STT3B: variants seen among roughly 807,000 people sequenced by gnomAD.
The protein encoded by STT3B is dolichyl-diphosphooligosaccharide--protein glycosyltransferase subunit STT3B.
A neutral mutation model predicts 96.8 loss-of-function variants in STT3B; 29 were observed. The ratio of observed to expected loss-of-function variants is 0.30; its 90% CI spans 0.22 to 0.41. The LOEUF is 0.41. Ranked by LOEUF, STT3B falls within the 10% of genes least tolerant of loss-of-function variation. The probability of loss-of-function intolerance (pLI) is 1.00; values close to 1 mark genes in which losing one functional copy is unlikely to be tolerated. For missense variants in STT3B, 640 were observed against 1,022.3 expected (o/e 0.63, Z 5.10); for synonymous variants, 367 against 360.0 (o/e 1.02, Z -0.22).
intron 1 of STT3B, among the ~76,000 whole-genome samples, chr3:31,550,929 T>C (rs2125439929): frequency 1.3e-5 from 2 of 152,288 alleles, no homozygotes; most frequent in Middle Eastern, 6.8e-3. Flanking sequence ...CCTTAGCTGC[T>C]TTGTACTTTA....
At chr3:31,611,008 C>G (rs1157646455) in intron 5 of STT3B, among the ~76,000 whole-genome samples, 2 of 152,092 alleles carry the variant, frequency 1.3e-5, no homozygotes, top group African/African-American at 4.8e-5. Flanking sequence ...ATTCTTCTAA[C>G]TTAAAGGGTA....
chr3:31,566,522 A>C (rs1238222751), intron 1 of STT3B, among the ~76,000 whole-genome samples: 2 of 151,420 alleles, frequency 1.3e-5, no homozygotes, highest in East Asian at 3.9e-4. Context: ...ATAAATTACC[A>C]CTCCCCTTCT....
chr3:31,551,674 G>C (rs894875249), intron 1 of STT3B, among the ~76,000 whole-genome samples: 1 of 152,204 alleles, frequency 6.6e-6, no homozygotes, highest in Non-Finnish European at 1.5e-5. Context: ...AGGTGGCTTT[G>C]TAAATCTTTA....
intron 1 of STT3B, among the ~76,000 whole-genome samples, chr3:31,574,330 G>A (rs1304737121): frequency 3.3e-5 from 5 of 151,948 alleles, no homozygotes; most frequent in African/African-American, 1.2e-4. Flanking sequence ...TTTGGATCTT[G>A]TTTTCAATGT....
chr3:31,635,903 T>G lies in STT3B; in HGVS notation c.2401-81T>G, dbSNP rs11129457. On this transcript the variant is annotated intron_variant, in intron 15 of 15. Coordinates refer to ENST00000295770, the MANE Select transcript of STT3B (RefSeq NM_178862.3). ...AGAGAGCTTACTAAGTCATCATAGT[T>G]CAGTAAACCATGTGTGTGTTTATAG... is the stretch of plus-strand genomic sequence containing the variant. 909,915 of 968,732 alleles carry G rather than the reference T, an allele frequency of 0.94. 427,813 individuals are homozygous for G. Among genetic ancestry groups the G allele is most frequent in the Admixed American group, 0.96 (42,569 of 44,234 alleles). 60.0% of individuals were successfully genotyped at this position (968,732 alleles called of 1,614,324 possible).
At position 31,611,599 on chromosome 3, in the gene STT3B, C is replaced by T. The variant is rs1033825215; in HGVS notation, c.878-3506C>T. Among the ~76,000 whole-genome samples the T allele has an allele frequency of 3.9e-4, 60 of 152,128 alleles. 1 individual carries two copies. Among genetic ancestry groups the T allele is most frequent in the African/African-American group, 1.4e-3 (56 of 41,420 alleles). ...GCAACCTCTGCCTCCCCAGTTCAAA[C>T]GATTCTCCTGCCTCAGCCTCCCAAG... On this transcript the variant is annotated intron_variant, in intron 5 of 15. Coordinates refer to ENST00000295770, the MANE Select transcript of STT3B (RefSeq NM_178862.3).
At chr3:31,540,976 A>G (rs1697251928) in intron 1 of STT3B, among the ~76,000 whole-genome samples, 1 of 152,178 alleles carries the variant, frequency 6.6e-6, no homozygotes, top group Non-Finnish European at 1.5e-5. Context: ...CCAGTTTAAG[A>G]AGGTTTATTA....
intron 1 of STT3B, among the ~76,000 whole-genome samples, chr3:31,569,154 A>G (rs1698079013): frequency 6.6e-6 from 1 of 152,032 alleles, no homozygotes; most frequent in Admixed American, 6.6e-5. Flanking sequence ...GACTACAGGC[A>G]TGTGCCACCA....
intron 1 of STT3B, among the ~76,000 whole-genome samples, chr3:31,576,062 A>C (rs1024302634): frequency 1.3e-5 from 2 of 152,030 alleles, no homozygotes; most frequent in Non-Finnish European, 2.9e-5. Context: ...TGGTGAGTGT[A>C]CCGTTTCTTC....
At chr3:31,553,371 C>T (rs1271630906) in intron 1 of STT3B, among the ~76,000 whole-genome samples, 1 of 152,114 alleles carries the variant, frequency 6.6e-6, no homozygotes. Context: ...CCGGAAACAA[C>T]CCAAATGCCC....
chr3:31,563,093 G>C (rs1697920036), intron 1 of STT3B, among the ~76,000 whole-genome samples: 1 of 152,130 alleles, frequency 6.6e-6, no homozygotes, highest in African/African-American at 2.4e-5. Flanking sequence ...AGCCGAACAG[G>C]CTTGTTTCCC....
intron 1 of STT3B, chr3:31,533,553 G>T (rs1159305433): frequency 3.4e-5 from 13 of 385,972 alleles, no homozygotes; most frequent in Non-Finnish European, 5.4e-5. Context: ...TTCTCGGCCG[G>T]GCTAGTGTGA....
intron 1 of STT3B, among the ~76,000 whole-genome samples, chr3:31,567,058 A>G (rs1160232702): frequency 1.3e-5 from 2 of 152,206 alleles, no homozygotes; most frequent in Non-Finnish European, 2.9e-5. Flanking sequence ...TGTGCTGTCA[A>G]ACTGTCATTA....
intron 3 of STT3B, among the ~76,000 whole-genome samples, chr3:31,583,460 A>G (rs1054039189): frequency 1.3e-5 from 2 of 152,022 alleles, no homozygotes; most frequent in African/African-American, 4.8e-5. Flanking sequence ...TTGAACCACC[A>G]CACCCTGCCT....
chr3:31,628,219 T>TG (rs563573292), intron 13 of STT3B, among the ~76,000 whole-genome samples: 44 of 1,100 alleles, frequency 0.04, no homozygotes, highest in Non-Finnish European at 0.033. Flanking sequence ...CAGTTAAAAA[T>TG]GGGGGGGCGG....
At chr3:31,541,472 G>C (rs149253133) in intron 1 of STT3B, among the ~76,000 whole-genome samples, 27 of 106,954 alleles carry the variant, frequency 2.5e-4, no homozygotes, top group African/African-American at 9.1e-4. Flanking sequence ...TTCTTTTTTT[G>C]TTTTTTTTTT....
At chr3:31,615,872 T>C (rs1699296159) in intron 6 of STT3B, among the ~76,000 whole-genome samples, 1 of 151,980 alleles carries the variant, frequency 6.6e-6, no homozygotes, top group African/African-American at 2.4e-5. Flanking sequence ...TCTTACATCC[T>C]CTTTGTTTAA....
chr3:31,584,957 A>T (rs1264957744), intron 3 of STT3B, among the ~76,000 whole-genome samples: 1 of 152,152 alleles, frequency 6.6e-6, no homozygotes, highest in African/African-American at 2.4e-5. Context: ...TACTATGAAA[A>T]GTTGTTTGTA....
intron 1 of STT3B, among the ~76,000 whole-genome samples, chr3:31,570,644 A>T (rs1413604084): frequency 6.6e-6 from 1 of 152,208 alleles, no homozygotes; most frequent in African/African-American, 2.4e-5. Flanking sequence ...CAATATGGTC[A>T]ATCCAAGTAC....
Sources: allele counts gnomAD v4.1 joint callset (sites outside exome capture counted in the v4.1 genomes callset), GRCh38; gene constraint gnomAD v4.1.1; transcripts MANE v1.5; gene names NCBI Gene and HGNC (gene_info 2026-07-23, HGNC 2026-07-21).